The following GSK3B variants were observed in gnomAD, a reference collection of about 807,000 sequenced individuals.
GSK3B encodes glycogen synthase kinase-3 beta.
Under a neutral mutation model 56.4 loss-of-function variants are expected in GSK3B, and 15 were observed. That is an observed-to-expected ratio of 0.27 (90% CI 0.18 to 0.41). The LOEUF (loss-of-function observed/expected upper bound fraction) is 0.41, where lower values mean the gene tolerates loss of function less well. GSK3B is among the 10% of genes least tolerant of loss of function. The pLI, the probability that GSK3B is intolerant of heterozygous loss-of-function variation, is 1.00. For missense variants in GSK3B, 300 were observed against 513.4 expected (o/e 0.58, Z 4.02); for synonymous variants, 181 against 188.9 (o/e 0.96, Z 0.34).
At chr3:119,854,045 T>C (rs1372043009) in intron 9 of GSK3B, among the ~76,000 whole-genome samples, 1 of 152,168 alleles carries the variant, frequency 6.6e-6, no homozygotes, top group African/African-American at 2.4e-5. Flanking sequence ...CAGTATGATA[T>C]TGGCTGTGGG....
intron 9 of GSK3B, among the ~76,000 whole-genome samples, chr3:119,861,601 G>A (rs2056104013): frequency 6.6e-6 from 1 of 151,786 alleles, no homozygotes; most frequent in South Asian, 2.1e-4. Flanking sequence ...GGACATCTGT[G>A]TCTTTATTGC....
rs569835143 is a variant in GSK3B at position 119,940,068 on chromosome 3, C to CA, written c.366+7199dup. On this transcript the variant is annotated intron_variant, in intron 3 of 10. Coordinates refer to ENST00000264235, the MANE Select transcript of GSK3B (RefSeq NM_001146156.2). ...CATGATACTATAAACATTTTACTTA[C>CA]ATGGCCACAATTTTCACAGTAACAA... Among the ~76,000 whole-genome samples the CA allele has an allele frequency of 3.2e-3, 492 of 151,798 alleles. 6 individuals are homozygous for CA. Among genetic ancestry groups the CA allele is most frequent in the Non-Finnish European group, 2.2e-3 (150 of 67,912 alleles).
chr3:120,072,550 G>A (rs2058335350), intron 1 of GSK3B, among the ~76,000 whole-genome samples: 1 of 152,128 alleles, frequency 6.6e-6, no homozygotes, highest in Admixed American at 6.5e-5. Context: ...TCATGCCACT[G>A]CACTTCAGCC....
At chr3:119,921,849 A>G (rs560481113) in intron 4 of GSK3B, among the ~76,000 whole-genome samples, 3 of 152,310 alleles carry the variant, frequency 2.0e-5, no homozygotes, top group Non-Finnish European at 4.4e-5. Context: ...TTAAAAAATA[A>G]TATCCTGGCC....
At chr3:120,043,169 T>C (rs565495456) in intron 1 of GSK3B, among the ~76,000 whole-genome samples, 9 of 152,236 alleles carry the variant, frequency 5.9e-5, no homozygotes, top group African/African-American at 9.6e-5. Flanking sequence ...GGGAAGGACC[T>C]TACCTGCGGC....
chr3:119,943,027 T>C (rs2057065355), intron 3 of GSK3B, among the ~76,000 whole-genome samples: 1 of 152,214 alleles, frequency 6.6e-6, no homozygotes, highest in African/African-American at 2.4e-5. Flanking sequence ...TACACATCTC[T>C]AATCTCTGTC....
chr3:120,091,529 A>G (rs1404610081), intron 1 of GSK3B, among the ~76,000 whole-genome samples: 1 of 152,218 alleles, frequency 6.6e-6, no homozygotes, highest in Non-Finnish European at 1.5e-5. Flanking sequence ...GTAGCATTAT[A>G]ATCTAGCATT....
chr3:120,075,345 C>A (rs561686488), intron 1 of GSK3B, among the ~76,000 whole-genome samples: 1 of 152,204 alleles, frequency 6.6e-6, no homozygotes, highest in African/African-American at 2.4e-5. Flanking sequence ...ACTCTGACCA[C>A]TTCTATTCAA....
intron 1 of GSK3B, among the ~76,000 whole-genome samples, chr3:120,088,323 C>T (rs1164972051): frequency 6.6e-6 from 1 of 152,084 alleles, no homozygotes; most frequent in East Asian, 1.9e-4. Context: ...AACTCAATAA[C>T]GTAAAATGGA....
intron 1 of GSK3B, among the ~76,000 whole-genome samples, chr3:120,006,037 A>C (rs942821684): frequency 6.6e-6 from 1 of 152,202 alleles, no homozygotes; most frequent in Non-Finnish European, 1.5e-5. Context: ...GACCCATCTC[A>C]CGTGCAAAGA....
chr3:119,911,970 G>C (rs1244078490), intron 6 of GSK3B, among the ~76,000 whole-genome samples: 1 of 152,142 alleles, frequency 6.6e-6, no homozygotes, highest in East Asian at 1.9e-4. Flanking sequence ...CTGTTCATTG[G>C]AGTAGCACTT....
chr3:119,864,374 T>C (rs1482825849), intron 8 of GSK3B, among the ~76,000 whole-genome samples: 1 of 152,204 alleles, frequency 6.6e-6, no homozygotes, highest in Non-Finnish European at 1.5e-5. Flanking sequence ...TTCTACTAAT[T>C]TGTGTCTTAA....
At chr3:119,839,181 T>A (rs534638377) in intron 10 of GSK3B, among the ~76,000 whole-genome samples, 149 of 152,328 alleles carry the variant, frequency 9.8e-4, no homozygotes, top group Middle Eastern at 3.4e-3. Flanking sequence ...TTTTGCTTTT[T>A]CAGAAGCAGC....
At chr3:119,917,360 G>A (rs2319399) in intron 4 of GSK3B, among the ~76,000 whole-genome samples, 82,109 of 151,926 alleles carry the variant, frequency 0.54, 25,776 homozygotes, top group African/African-American at 0.88. Flanking sequence ...GAAGCAAGAT[G>A]TAAACTGTAC....
intron 1 of GSK3B, among the ~76,000 whole-genome samples, chr3:120,062,315 T>C (rs1469904032): frequency 6.6e-6 from 1 of 152,188 alleles, no homozygotes; most frequent in Non-Finnish European, 1.5e-5. Flanking sequence ...ATGTACCACC[T>C]TTCATTACAT....
At chr3:119,900,664 T>A (rs1306341060) in intron 7 of GSK3B, among the ~76,000 whole-genome samples, 1 of 152,128 alleles carries the variant, frequency 6.6e-6, no homozygotes, top group Non-Finnish European at 1.5e-5. Flanking sequence ...AACCAATACA[T>A]CATGTAAACT....
In GSK3B at chr3:120,068,554, A is replaced by G. The variant is rs1162517621; in HGVS notation, c.88+24793T>C. ...CGTCCCTACTAAAAATCCAAAAATT[A>G]ACCAGTATGTTGGCGCACACCTGTA... On this transcript the variant is annotated intron_variant, in intron 1 of 10. Coordinates refer to ENST00000264235, the MANE Select transcript of GSK3B (RefSeq NM_001146156.2). Among the ~76,000 whole-genome samples, 11 of 150,026 alleles carry G rather than the reference A, an allele frequency of 7.3e-5. No individual in the cohort carries two copies. In the East Asian group the frequency reaches 2.2e-3, roughly 30 times the overall value.
rs1214110806 is a variant in GSK3B, at chr3:119,821,867, G to T, written c.*4921C>A. ...TTTCCCTAATTAGAGGAATGGAAATGGTGATGTGACTACATATTGCAGCGG... is the reference window on the plus strand; with the variant it reads ...TTTCCCTAATTAGAGGAATGGAAATTGTGATGTGACTACATATTGCAGCGG... On this transcript the variant is annotated 3_prime_UTR_variant, in exon 11 of 11. Transcript: ENST00000264235. 1 of 172,424 alleles carries T rather than the reference G, an allele frequency of 5.8e-6. No individual in the cohort carries two copies. Among genetic ancestry groups the T allele is most frequent in the Non-Finnish European group, 1.3e-5 (1 of 79,560 alleles). The allele number at this position is 172,424 out of a possible 1,614,324, so 10.7% of individuals were successfully genotyped here.
At position 119,858,040 on chromosome 3, in the gene GSK3B, A is replaced by T. The variant is rs545200784; in HGVS notation, c.1096+5379T>A. 7.9e-5 allele frequency among the ~76,000 whole-genome samples: 12 copies of T among 152,324 alleles called. No homozygotes were observed. The South Asian group carries it at 2.3e-3, about 29-fold the overall frequency. ...GTGGGCTTCAAATATTCAGTAAACC[A>T]CGCTGTAAACAGATGTGCTGTCATG... On this transcript the variant is annotated intron_variant, in intron 9 of 10. Coordinates refer to ENST00000264235, the MANE Select transcript of GSK3B (RefSeq NM_001146156.2).
Sources: allele counts gnomAD v4.1 joint callset (sites outside exome capture counted in the v4.1 genomes callset), GRCh38; gene constraint gnomAD v4.1.1; transcripts MANE v1.5; gene names NCBI Gene and HGNC (gene_info 2026-07-23, HGNC 2026-07-21).